PLA2G6: variants seen among roughly 807,000 people sequenced by gnomAD.
The protein encoded by PLA2G6 is phospholipase A2 group VI.
Under a neutral mutation model 83.8 loss-of-function variants are expected in PLA2G6, and 62 were observed. The observed-to-expected ratio is 0.74, with a 90% confidence interval of 0.60 to 0.91. The LOEUF is 0.91. Among genes scored for constraint, PLA2G6 ranks in the 40% least tolerant of loss-of-function variants. The pLI, the probability that PLA2G6 is intolerant of heterozygous loss-of-function variation, is 0.00. For missense variants in PLA2G6, 944 were observed against 1,102.0 expected (o/e 0.86, Z 2.03); for synonymous variants, 417 against 449.8 (o/e 0.93, Z 0.92).
At chr22:38,115,965 G>T (rs916029031) in intron 13 of PLA2G6, 110 bp downstream of exon 13, 1 of 1,490,238 alleles carries the variant, frequency 6.7e-7, no homozygotes, top group Admixed American at 1.7e-5. Context: ...GCAGCGGGTG[G>T]GCTGGTGGCA....
chr22:38,169,128 A>C, intron 2 of PLA2G6, 90 bp downstream of exon 2: 1 of 1,040,008 alleles, frequency 9.6e-7, no homozygotes, highest in Non-Finnish European at 1.5e-6. Flanking sequence ...ACAGAGACTC[A>C]AAGAAACTGC....
In PLA2G6 at chr22:38,117,744, T is replaced by A. The variant is rs187663535; in HGVS notation, c.1743-1533A>T. Among the ~76,000 whole-genome samples the A allele has an allele frequency of 5.3e-4, 80 of 152,020 alleles. 1 individual carries two copies. The highest frequency in any genetic ancestry group is 1.8e-3 in the African/African-American group (76 of 41,496). Reference sequence around the variant, plus strand: ...GCTACAACATGGATGCCAAGTGAAATAAGCCAGTCATGGCCGGGCACGGTG... The same window carrying A: ...GCTACAACATGGATGCCAAGTGAAAAAAGCCAGTCATGGCCGGGCACGGTG... On this transcript the variant is annotated intron_variant, in intron 12 of 16. Transcript: ENST00000332509.
At chr22:38,181,341 C>T (rs1264777900) in intron 1 of PLA2G6, among the ~76,000 whole-genome samples, 2 of 151,988 alleles carry the variant, frequency 1.3e-5, no homozygotes, top group East Asian at 3.8e-4. Flanking sequence ...AAGGTGGAGA[C>T]GGACGTGAAG....
In PLA2G6 at chr22:38,126,888, C is replaced by A. The variant is rs553485454; in HGVS notation, c.1349-439G>T. ...AGGCTCTAAGAGGGTCCATAATTCA[C>A]CCAAGGTCATTTAGTCAAAAGGCTG... On this transcript the variant is annotated intron_variant, in intron 9 of 16. Coordinates refer to ENST00000332509, the MANE Select transcript of PLA2G6 (RefSeq NM_003560.4). 3.6e-5 allele frequency: 19 copies of A among 529,202 alleles called. No homozygotes were observed. In the South Asian group the frequency reaches 6.0e-4, roughly 17 times the overall value. The allele number at this position is 529,202 out of a possible 1,614,324, so 32.8% of individuals were successfully genotyped here.
intron 5 of PLA2G6, chr22:38,138,838 T>G (rs1182377675): frequency 6.6e-6 from 1 of 151,968 alleles, no homozygotes; most frequent in East Asian, 1.9e-4. Flanking sequence ...CCTGGCTAAT[T>G]TTTGTATTTT....
chr22:38,117,187 A>G lies in PLA2G6; in HGVS notation c.1743-976T>C, dbSNP rs1288285348. Among the ~76,000 whole-genome samples, 4 of 152,200 alleles carry G rather than the reference A, an allele frequency of 2.6e-5. No homozygotes were observed. In the South Asian group the frequency reaches 6.2e-4, roughly 24 times the overall value. The stretch of plus-strand genomic sequence containing the variant: ...ACCCAAAATAGGAAAAAACGGGTCA[A>G]GTTCGCCCACGAGCGTGGACACAAA... On this transcript the variant is annotated intron_variant, in intron 12 of 16. Transcript: ENST00000332509.
Position 38,128,174 on chromosome 22 carries a change from TC to T in PLA2G6, c.1348+94del. On this transcript the variant is annotated intron_variant, in intron 9 of 16. Coordinates refer to ENST00000332509, the MANE Select transcript of PLA2G6 (RefSeq NM_003560.4). The surrounding 1 kb of genome is among the most constrained non-coding windows in gnomAD (Gnocchi z 4.4). ...TCCTCCCCGGCTTCCTTTAGTGACT[TC>T]CGTCCTAGGGATCCTGTTGCTTTGG... 1 of 1,368,650 alleles carries T rather than the reference TC, an allele frequency of 7.3e-7. No individual in the cohort carries two copies. The highest frequency in any genetic ancestry group is 1.0e-6 in the Non-Finnish European group (1 of 963,142). 84.8% of individuals were successfully genotyped at this position (1,368,650 alleles called of 1,614,324 possible).
At chr22:38,131,174 A>C (rs570465775) in intron 7 of PLA2G6, 1 of 152,228 alleles carries the variant, frequency 6.6e-6, no homozygotes, top group South Asian at 2.1e-4. Context: ...ACCCTTTCAG[A>C]GGTCTCACAC....
chr22:38,113,294 G>A (rs1222189836), intron 15 of PLA2G6, among the ~76,000 whole-genome samples, 193 bp downstream of exon 15: 1 of 152,174 alleles, frequency 6.6e-6, no homozygotes, highest in African/African-American at 2.4e-5. Context: ...CCCCCCTGCT[G>A]GTGGTCACTG....
intron 9 of PLA2G6, among the ~76,000 whole-genome samples, chr22:38,127,928 C>T (rs530521106): frequency 6.6e-5 from 10 of 152,328 alleles, no homozygotes; most frequent in Non-Finnish European, 1.3e-4. Context: ...GGCCCCCAGT[C>T]CCCCGACAGC....
chr22:38,136,974 G>A (rs2088593184), intron 5 of PLA2G6: 1 of 152,390 alleles, frequency 6.6e-6, no homozygotes, highest in South Asian at 2.1e-4. Context: ...CTAGGCTCAA[G>A]CGATCCTCCT....
chr22:38,178,683 A>G (rs561668462), intron 1 of PLA2G6, among the ~76,000 whole-genome samples: 6 of 152,220 alleles, frequency 3.9e-5, no homozygotes, highest in African/African-American at 1.4e-4. Flanking sequence ...TGGCCAACAT[A>G]GTGAAACCCC....
Position 38,169,444 on chromosome 22 carries a change from G to A in PLA2G6, c.-18C>T, listed in dbSNP as rs751429377. 3.7e-6 allele frequency: 6 copies of A among 1,609,478 alleles called. No individual in the cohort carries two copies. The highest frequency in any genetic ancestry group is 4.3e-6 in the Non-Finnish European group (5 of 1,176,344). On this transcript the variant is annotated 5_prime_UTR_variant, in exon 2 of 17. Coordinates refer to ENST00000332509, the MANE Select transcript of PLA2G6 (RefSeq NM_003560.4). The stretch of plus-strand genomic sequence containing the variant: ...AACTGCATCTTCTGCGGGGCAGGTG[G>A]GGAGGCCCCACCGTCTTCCCCCTCT...
At chr22:38,150,814 C>T (rs762485554) in intron 2 of PLA2G6, among the ~76,000 whole-genome samples, 5 of 152,172 alleles carry the variant, frequency 3.3e-5, no homozygotes, top group Admixed American at 6.5e-5. Flanking sequence ...TGGCCAGGCA[C>T]GGCGGCTCAT....
At chr22:38,135,380 C>T (rs1840570106) in intron 5 of PLA2G6, 2 of 413,116 alleles carry the variant, frequency 4.8e-6, no homozygotes, top group African/African-American at 4.1e-5. Context: ...TCACTGGTGG[C>T]CTCCAGAAGC....
chr22:38,156,028 A>C (rs892215860), intron 2 of PLA2G6, among the ~76,000 whole-genome samples: 1 of 152,236 alleles, frequency 6.6e-6, no homozygotes, highest in African/African-American at 2.4e-5. Context: ...AGGAATAGCT[A>C]TGCTATTCTA....
chr22:38,154,011 TGTGGAAAGGG>T (rs1338979345), intron 2 of PLA2G6, among the ~76,000 whole-genome samples: 2 of 152,178 alleles, frequency 1.3e-5, no homozygotes, highest in Non-Finnish European at 2.9e-5. Context: ...CTTCTCTGCT[TGTGGAAAGGG>T]GAGGGAAGAG....
intron 2 of PLA2G6, among the ~76,000 whole-genome samples, chr22:38,154,847 A>G (rs1311606673): frequency 6.6e-6 from 1 of 152,226 alleles, no homozygotes; most frequent in Non-Finnish European, 1.5e-5. Context: ...AGCTGTTTTG[A>G]GGGAACTCAG....
chr22:38,160,228 T>C (rs1458217630), intron 2 of PLA2G6, among the ~76,000 whole-genome samples: 1 of 152,118 alleles, frequency 6.6e-6, no homozygotes, highest in East Asian at 1.9e-4. Flanking sequence ...TTTTAAAACC[T>C]GACAGTACCA....
Sources: gnomAD v4.1 joint callset for allele counts (sites outside exome capture counted in the v4.1 genomes callset) on GRCh38, gnomAD v4.1.1 for gene constraint, Gnocchi (gnomAD v3.1) non-coding constraint, MANE v1.5 for transcripts, NCBI Gene and HGNC (gene_info 2026-07-23, HGNC 2026-07-21) for gene names.